DLGAP2: variants seen among roughly 807,000 people sequenced by gnomAD.
The protein encoded by DLGAP2 is disks large-associated protein 2.
DLGAP2 carries 26 observed loss-of-function variants against 100.3 expected under a neutral mutation model. That is an observed-to-expected ratio of 0.26 (90% CI 0.19 to 0.36). The LOEUF (loss-of-function observed/expected upper bound fraction) is 0.36. DLGAP2 is among the 10% of genes least tolerant of loss of function. The pLI is 1.00. For missense variants in DLGAP2, 1,858 were observed against 1,453.2 expected (o/e 1.28, Z -4.53); for synonymous variants, 886 against 630.1 (o/e 1.41, Z -6.08).
intron 13 of DLGAP2, among the ~76,000 whole-genome samples, chr8:1,696,269 G>C (rs889948485): frequency 6.6e-6 from 1 of 152,200 alleles, no homozygotes; most frequent in African/African-American, 2.4e-5. Context: ...GGGAAGCTGA[G>C]GCAAGAGGGT....
At chr8:1,225,304 T>A (rs1798392132) in intron 2 of DLGAP2, among the ~76,000 whole-genome samples, 1 of 152,214 alleles carries the variant, frequency 6.6e-6, no homozygotes, top group Non-Finnish European at 1.5e-5. Context: ...AGAAACCTTA[T>A]GCTCAGTGAA....
In DLGAP2 at chr8:876,953, T is replaced by C. The variant is rs188514205; in HGVS notation, c.19-30959T>C. Among the ~76,000 whole-genome samples the C allele has an allele frequency of 1.1e-3, 162 of 152,238 alleles. 1 individual carries two copies. Among genetic ancestry groups the C allele is most frequent in the Non-Finnish European group, 9.3e-4 (63 of 68,008 alleles). ...AGTTTTTATTTCAGTTATTTTACTT[T>C]TCCAACAGCGGAATTTCCATATGGT... On this transcript the variant is annotated intron_variant, in intron 1 of 14. Coordinates refer to ENST00000637795, the MANE Select transcript of DLGAP2 (RefSeq NM_001346810.2).
chr8:1,676,638 C>G lies in DLGAP2; in HGVS notation c.2288+20C>G. On this transcript the variant is annotated intron_variant, in intron 11 of 14. Coordinates refer to ENST00000637795, the MANE Select transcript of DLGAP2 (RefSeq NM_001346810.2). Reference sequence around the variant, plus strand: ...GAAGCGGTAACTCAGCCCCTCCTGACACGCGGTGACCCCCGAGCGAGGGCT... The same window carrying G: ...GAAGCGGTAACTCAGCCCCTCCTGAGACGCGGTGACCCCCGAGCGAGGGCT... The G allele has an allele frequency of 6.2e-7, 1 of 1,603,542 alleles. No individual in the cohort carries two copies. Among genetic ancestry groups the G allele is most frequent in the Non-Finnish European group, 8.5e-7 (1 of 1,175,070 alleles).
intron 3 of DLGAP2, among the ~76,000 whole-genome samples, chr8:1,341,416 A>T (rs1801413530): frequency 6.6e-6 from 1 of 152,184 alleles, no homozygotes; most frequent in Admixed American, 6.6e-5. Flanking sequence ...TCATAGCCAA[A>T]TTGTTATTGA....
intron 1 of DLGAP2, among the ~76,000 whole-genome samples, chr8:756,144 G>C (rs572627597): frequency 6.6e-6 from 1 of 152,260 alleles, no homozygotes; most frequent in African/African-American, 2.4e-5. Flanking sequence ...GGAATACCTT[G>C]CTGGGGGCTG....
At position 763,183 on chromosome 8, in the gene DLGAP2, C is replaced by T. The variant is rs116758693; in HGVS notation, c.18+25358C>T. On this transcript the variant is annotated intron_variant, in intron 1 of 14. Transcript: ENST00000637795. ...TGACCGTGCCCTGGAAGGAGCACGGCGTTGTGGAGACATGGACTATCAGCA... is the reference window on the plus strand; with the variant it reads ...TGACCGTGCCCTGGAAGGAGCACGGTGTTGTGGAGACATGGACTATCAGCA... Among the ~76,000 whole-genome samples, 416 of 152,290 alleles carry T rather than the reference C, an allele frequency of 2.7e-3. 3 individuals carry two copies. The highest frequency in any genetic ancestry group is 9.3e-3 in the African/African-American group (387 of 41,550).
At chr8:1,054,366 C>T (rs1802815425) in intron 2 of DLGAP2, among the ~76,000 whole-genome samples, 2 of 152,154 alleles carry the variant, frequency 1.3e-5, no homozygotes, top group African/African-American at 4.8e-5. Context: ...GTCCCTGTTT[C>T]AGTGTCCGTA....
intron 2 of DLGAP2, among the ~76,000 whole-genome samples, chr8:1,012,533 C>T (rs541972725): frequency 1.0e-4 from 14 of 134,680 alleles, no homozygotes; most frequent in East Asian, 2.4e-4. Context: ...TCCGACCAGC[C>T]CCCCCACTTC....
At chr8:1,517,335 G>A (rs1449514461) in intron 4 of DLGAP2, among the ~76,000 whole-genome samples, 14 of 152,142 alleles carry the variant, frequency 9.2e-5, no homozygotes, top group Admixed American at 7.9e-4. Flanking sequence ...ATGGAAGAAC[G>A]GATGTGGAGC....
intron 1 of DLGAP2, among the ~76,000 whole-genome samples, chr8:741,028 T>G (rs925599133): frequency 2.6e-5 from 4 of 152,192 alleles, no homozygotes; most frequent in African/African-American, 9.6e-5. Flanking sequence ...TTCTATGCAG[T>G]TAAAAATTAT....
intron 2 of DLGAP2, among the ~76,000 whole-genome samples, chr8:958,269 C>G (rs1033358100): frequency 6.6e-6 from 1 of 152,164 alleles, no homozygotes; most frequent in Admixed American, 6.5e-5. Context: ...CCCCCACCGC[C>G]GCCATGTTTT....
chr8:1,485,477 G>A (rs1006533994), intron 3 of DLGAP2, among the ~76,000 whole-genome samples: 1 of 152,258 alleles, frequency 6.6e-6, no homozygotes, highest in African/African-American at 2.4e-5. Context: ...ATGTATGTAA[G>A]TAATGGACTC....
intron 6 of DLGAP2, among the ~76,000 whole-genome samples, chr8:1,597,929 G>C (rs1305902366): frequency 6.6e-6 from 1 of 152,142 alleles, no homozygotes; most frequent in Non-Finnish European, 1.5e-5. Context: ...GTGAGACAGG[G>C]CATCCCTGTC....
intron 2 of DLGAP2, among the ~76,000 whole-genome samples, chr8:1,023,286 C>T (rs184884064): frequency 1.3e-5 from 2 of 152,172 alleles, no homozygotes; most frequent in Non-Finnish European, 2.9e-5. Flanking sequence ...GGTCTGTTCG[C>T]TGGGCTCTAC....
intron 2 of DLGAP2, among the ~76,000 whole-genome samples, chr8:984,777 C>A (rs1321713937): frequency 6.6e-6 from 1 of 152,158 alleles, no homozygotes; most frequent in Non-Finnish European, 1.5e-5. Flanking sequence ...GTTGCTGAGT[C>A]CCTCATAAGT....
At chr8:981,983 C>A (rs1057152643) in intron 2 of DLGAP2, among the ~76,000 whole-genome samples, 4 of 152,208 alleles carry the variant, frequency 2.6e-5, no homozygotes, top group Admixed American at 1.3e-4. Context: ...CATCCCTGGC[C>A]TTGGAAGTCA....
chr8:1,376,469 C>G (rs1802390600), intron 3 of DLGAP2, among the ~76,000 whole-genome samples: 1 of 152,254 alleles, frequency 6.6e-6, no homozygotes. Flanking sequence ...GCTGGGCTGA[C>G]CTGCGCTTCA....
intron 3 of DLGAP2, among the ~76,000 whole-genome samples, chr8:1,413,559 C>T (rs1584873863): frequency 6.6e-6 from 1 of 152,284 alleles, no homozygotes; most frequent in East Asian, 1.9e-4. Context: ...AATGTTTTGT[C>T]ACAGAAAAAG....
At chr8:1,599,829 T>C (rs1248441258) in intron 6 of DLGAP2, among the ~76,000 whole-genome samples, 1 of 152,198 alleles carries the variant, frequency 6.6e-6, no homozygotes, top group Non-Finnish European at 1.5e-5. Flanking sequence ...GTATCCAATT[T>C]GCCAGTTTGT....
Sources: allele counts gnomAD v4.1 joint callset (sites outside exome capture counted in the v4.1 genomes callset), GRCh38; gene constraint gnomAD v4.1.1; transcripts MANE v1.5; gene names NCBI Gene and HGNC (gene_info 2026-07-23, HGNC 2026-07-21).